The following NOVA1 variants were observed in gnomAD, a reference collection of about 807,000 sequenced individuals.
NOVA1 encodes NOVA alternative splicing regulator 1.
A neutral mutation model predicts 38.0 loss-of-function variants in NOVA1; 7 were observed. The observed-to-expected ratio is 0.18, with a 90% CI of 0.10 to 0.35. The LOEUF (loss-of-function observed/expected upper bound fraction) is 0.35, where lower values mean the gene tolerates loss of function less well. NOVA1 is among the 10% of genes least tolerant of loss of function. The pLI is 1.00. For missense variants in NOVA1, 460 were observed against 616.0 expected (o/e 0.75, Z 2.68); for synonymous variants, 270 against 232.5 (o/e 1.16, Z -1.47).
At chr14:26,546,429 T>C (rs771584156) in intron 2 of NOVA1, among the ~76,000 whole-genome samples, 8 of 152,162 alleles carry the variant, frequency 5.3e-5, no homozygotes, top group Non-Finnish European at 1.2e-4. Flanking sequence ...GAGAGGGATA[T>C]AAAAATATGT....
rs1882339690 is a variant in NOVA1, at chr14:26,448,688, G to A, written c.795C>T (p.Ser265=). The change falls in exon 5 of 5, where the codon TCC becomes TCT. Residue 265 remains serine (S), a synonymous_variant. Transcript: ENST00000539517. This position sits in a 1 kb window ranked among gnomAD's most constrained non-coding sequence, Gnocchi z 5.3. ...TTGCATAAGGAGATCCGGTTGGATTGGAATTTGCCACTGGACCTGTCACAT... is the reference window on the plus strand; with the variant it reads ...TTGCATAAGGAGATCCGGTTGGATTAGAATTTGCCACTGGACCTGTCACAT... ...YANVTGPVAN[S]NPTGSPYANT... 3 of 1,614,204 alleles carry A rather than the reference G, an allele frequency of 1.9e-6. No homozygotes were observed. The highest frequency in any genetic ancestry group is 2.5e-6 in the Non-Finnish European group (3 of 1,180,042).
At chr14:26,463,141 T>TA (rs1290598854) in intron 4 of NOVA1, among the ~76,000 whole-genome samples, 4 of 152,180 alleles carry the variant, frequency 2.6e-5, no homozygotes, top group Non-Finnish European at 5.9e-5. Flanking sequence ...AGAATTTATT[T>TA]AATCACTCTC....
rs1386989431 is a variant in NOVA1 at position 26,443,431 on chromosome 14, T to A, written c.*4528A>T. 6.6e-6 allele frequency: 1 copy of A among 152,020 alleles called. No homozygotes were observed. Among genetic ancestry groups the A allele is most frequent in the Non-Finnish European group, 1.5e-5 (1 of 67,892 alleles). The allele number at this position is 152,020 out of a possible 1,614,324, so 9.4% of individuals were successfully genotyped here. A position where few individuals can be genotyped will look rare whatever the true frequency, so the allele number is the denominator to read the frequency against. Reference sequence around the variant, plus strand: ...TGTACTTTATTATACAAGGTAATGCTTCAATTTTCAAGAACAGTTTTTTTT... The same window carrying A: ...TGTACTTTATTATACAAGGTAATGCATCAATTTTCAAGAACAGTTTTTTTT... On this transcript the variant is annotated 3_prime_UTR_variant, in exon 5 of 5. Coordinates refer to ENST00000539517, the MANE Select transcript of NOVA1 (RefSeq NM_002515.3).
intron 2 of NOVA1, among the ~76,000 whole-genome samples, chr14:26,544,038 C>T (rs1890636786): frequency 2.6e-5 from 4 of 151,834 alleles, no homozygotes; most frequent in Admixed American, 2.6e-4. Context: ...AAGACTCATG[C>T]CCTCAGTCTG....
chr14:26,480,072 C>T lies in NOVA1; in HGVS notation c.352G>A (p.Glu118Lys). The change falls in exon 3 of 5, where the codon GAA becomes AAA. Residue 118 changes from glutamate to lysine, a missense_variant. By Grantham distance (56) the Glu-to-Lys change is moderately conservative (BLOSUM62 1). Transcript: ENST00000539517. The part of the protein sequence containing the change: ...ALNAVHGFIA[E>K]KIREMPQNVA... Reference sequence around the variant, plus strand: ...TTTTGGGGCATTTCTCGAATTTTTTCTGCAATGAATCCATGAACTGCATTC... The same window carrying T: ...TTTTGGGGCATTTCTCGAATTTTTTTTGCAATGAATCCATGAACTGCATTC... The T allele has an allele frequency of 1.2e-6, 2 of 1,614,050 alleles. No individual in the cohort carries two copies. Among genetic ancestry groups the T allele is most frequent in the Non-Finnish European group, 1.7e-6 (2 of 1,179,966 alleles).
intron 2 of NOVA1, among the ~76,000 whole-genome samples, chr14:26,497,231 C>A (rs1032494645): frequency 1.3e-5 from 2 of 152,078 alleles, no homozygotes; most frequent in Admixed American, 6.6e-5. Context: ...TAGGAATCCA[C>A]CTTACAAGGG....
intron 2 of NOVA1, among the ~76,000 whole-genome samples, chr14:26,574,022 ACT>A (rs1892653686): frequency 7.9e-6 from 1 of 126,042 alleles, no homozygotes; most frequent in Non-Finnish European, 1.6e-5. Flanking sequence ...CAAAGATTAC[ACT>A]TTTTTTTTTT....
chr14:26,451,949 G>A (rs921727871), intron 4 of NOVA1, among the ~76,000 whole-genome samples: 1 of 152,070 alleles, frequency 6.6e-6, no homozygotes, highest in African/African-American at 2.4e-5. Context: ...CTAAAGATGT[G>A]TTATGACTTA....
At chr14:26,596,963 T>A (rs1894231289) in intron 1 of NOVA1, 3 of 1,210,274 alleles carry the variant, frequency 2.5e-6, no homozygotes, top group Admixed American at 3.9e-5. Flanking sequence ...GGGGTCATCC[T>A]CCTCCTCCTC....
chr14:26,484,414 C>T (rs1457570805), intron 2 of NOVA1, among the ~76,000 whole-genome samples: 13 of 104,770 alleles, frequency 1.2e-4, no homozygotes, highest in African/African-American at 3.7e-4. Context: ...CCAGCCTGGG[C>T]GAGACTCCGT....
intron 4 of NOVA1, among the ~76,000 whole-genome samples, chr14:26,466,550 A>C (rs1318602585): frequency 6.6e-6 from 1 of 152,158 alleles, no homozygotes; most frequent in African/African-American, 2.4e-5. Context: ...GGGAAAACAA[A>C]ATTTAAAATT....
chr14:26,528,252 CTGT>C (rs1350612619), intron 2 of NOVA1, among the ~76,000 whole-genome samples: 1 of 152,094 alleles, frequency 6.6e-6, no homozygotes, highest in Non-Finnish European at 1.5e-5. Flanking sequence ...TTTTACTGTC[CTGT>C]TATGCTTACT....
At chr14:26,538,099 C>T (rs572867181) in intron 2 of NOVA1, among the ~76,000 whole-genome samples, 1 of 152,102 alleles carries the variant, frequency 6.6e-6, no homozygotes, top group South Asian at 2.1e-4. Flanking sequence ...AGACTCAGAG[C>T]CAAATCAAGT....
chr14:26,495,500 T>A (rs1019193647), intron 2 of NOVA1, among the ~76,000 whole-genome samples: 2 of 152,164 alleles, frequency 1.3e-5, no homozygotes, highest in Non-Finnish European at 2.9e-5. Flanking sequence ...CTTTTTTTTG[T>A]TGTTGTTTAT....
At chr14:26,491,158 CTAA>C (rs960402869) in intron 2 of NOVA1, among the ~76,000 whole-genome samples, 2 of 151,216 alleles carry the variant, frequency 1.3e-5, no homozygotes, top group African/African-American at 4.8e-5. Context: ...CCACATCTGG[CTAA>C]TTTTTTTTTA....
chr14:26,449,990 T>C (rs1882506717), intron 4 of NOVA1, among the ~76,000 whole-genome samples: 1 of 152,138 alleles, frequency 6.6e-6, no homozygotes, highest in South Asian at 2.1e-4. Flanking sequence ...ATGTAAATAG[T>C]AACATTTAAA....
intron 2 of NOVA1, among the ~76,000 whole-genome samples, chr14:26,497,234 TA>T (rs1886886087): frequency 6.6e-6 from 1 of 152,094 alleles, no homozygotes; most frequent in Non-Finnish European, 1.5e-5. Flanking sequence ...GAATCCACCT[TA>T]CAAGGGACGT....
intron 2 of NOVA1, among the ~76,000 whole-genome samples, chr14:26,581,192 T>G (rs573420318): frequency 5.3e-5 from 8 of 152,120 alleles, no homozygotes; most frequent in Non-Finnish European, 1.2e-4. Flanking sequence ...CTAGAAGTCT[T>G]GTATTCGTCG....
intron 2 of NOVA1, among the ~76,000 whole-genome samples, chr14:26,542,601 T>C (rs1890531516): frequency 6.6e-6 from 1 of 151,674 alleles, no homozygotes. Context: ...TTTTCTATTA[T>C]AGGAATATTA....
Sources: gnomAD v4.1 joint callset for allele counts (sites outside exome capture counted in the v4.1 genomes callset) on GRCh38, gnomAD v4.1.1 for gene constraint, Gnocchi (gnomAD v3.1) non-coding constraint, MANE v1.5 for transcripts, NCBI Gene and HGNC (gene_info 2026-07-23, HGNC 2026-07-21) for gene names.